STARD3: variants seen among roughly 807,000 people sequenced by gnomAD.
STARD3 encodes the protein stAR-related lipid transfer protein 3.
Under a neutral mutation model 62.0 loss-of-function variants are expected in STARD3, and 39 were observed. That is an observed-to-expected ratio of 0.63 (90% confidence interval 0.49 to 0.82). STARD3 has a LOEUF of 0.82. Among genes scored for constraint, STARD3 ranks in the 40% least tolerant of loss-of-function variants. The pLI is 0.00. For missense variants in STARD3, 543 were observed against 584.5 expected, an observed-to-expected ratio of 0.93 and a Z score of 0.73; for synonymous variants, 229 against 242.4, an observed-to-expected ratio of 0.94 and a Z score of 0.51.
Position 39,658,797 on chromosome 17 carries a change from A to G in STARD3, c.623A>G (p.Tyr208Cys), listed in dbSNP as rs571653341. Reference sequence around the variant, plus strand: ...GGTGCTCTGTCCGAGGGACAGTTCTATTCACCCCCAGAATCCTTTGCAGGT... The same window carrying G: ...GGTGCTCTGTCCGAGGGACAGTTCTGTTCACCCCCAGAATCCTTTGCAGGT... ...FSGALSEGQF[Y>C]SPPESFAGSD... The change falls in exon 7 of 15, where the codon TAT becomes TGT. Residue 208 changes from tyrosine to cysteine, a missense_variant. Transcript: ENST00000336308. 9.9e-6 allele frequency: 16 copies of G among 1,613,776 alleles called. No individual in the cohort carries two copies. Among genetic ancestry groups the G allele is most frequent in the African/African-American group, 5.3e-5 (4 of 74,894 alleles).
At chr17:39,642,059 G>A (rs530061922) in intron 1 of STARD3, among the ~76,000 whole-genome samples, 16 of 152,304 alleles carry the variant, frequency 1.1e-4, no homozygotes, top group Non-Finnish European at 2.1e-4. Context: ...TCTCTGAAGC[G>A]CCAGAGTTCT....
At chr17:39,658,216 T>A in intron 5 of STARD3, 189 bp from the exon 6 acceptor site, 2 of 841,360 alleles carry the variant, frequency 2.4e-6, no homozygotes, top group South Asian at 1.6e-5. Context: ...CTTGCAGCTC[T>A]AGGAATCAGA....
In STARD3 at chr17:39,645,100, G is replaced by T. The variant is rs149084014; in HGVS notation, c.-52+7869G>T. 3.4e-3 allele frequency among the ~76,000 whole-genome samples: 525 copies of T among 152,310 alleles called. 13 individuals carry two copies. The East Asian group carries it at 0.049, about 14-fold the overall frequency. ...ATCCTGCTGTCCTCCTCTTCTGTCTGCGGGAAGGGGCAGCCGATGCTGTTC... is the reference window on the plus strand; with the variant it reads ...ATCCTGCTGTCCTCCTCTTCTGTCTTCGGGAAGGGGCAGCCGATGCTGTTC... On this transcript the variant is annotated intron_variant, in intron 1 of 14. Coordinates refer to ENST00000336308, the MANE Select transcript of STARD3 (RefSeq NM_006804.4).
chr17:39,662,740 G>C (rs1194646812), intron 14 of STARD3, 64 bp from the exon 15 acceptor site: 1 of 1,467,180 alleles, frequency 6.8e-7, no homozygotes, highest in Non-Finnish European at 9.3e-7. Flanking sequence ...GCTGGTGCCA[G>C]CTGCAAGGGG....
chr17:39,639,988 A>T (rs745899778), intron 1 of STARD3, among the ~76,000 whole-genome samples: 1 of 152,192 alleles, frequency 6.6e-6, no homozygotes, highest in Non-Finnish European at 1.5e-5. Flanking sequence ...GAAAGCGCTG[A>T]TCACAGCATG....
chr17:39,656,872 C>T lies in STARD3; in HGVS notation c.220-136C>T, dbSNP rs79563186. The T allele has an allele frequency of 2.9e-3, 2,283 of 775,770 alleles. 38 individuals are homozygous for T. The African/African-American group carries it at 0.035, about 12-fold the overall frequency. 48.1% of individuals were successfully genotyped at this position (775,770 alleles called of 1,614,324 possible). A position where few individuals can be genotyped will look rare whatever the true frequency, so the allele number is the denominator to read the frequency against. Reference sequence around the variant, plus strand: ...AGATCCCTTGGTGCTTCCAGGGCCCCCTGGGTGGTGGCTTAGCATCAACAG... The same window carrying T: ...AGATCCCTTGGTGCTTCCAGGGCCCTCTGGGTGGTGGCTTAGCATCAACAG... On this transcript the variant is annotated intron_variant, in intron 2 of 14. Transcript: ENST00000336308.
At chr17:39,646,478 C>G (rs1171393235) in intron 1 of STARD3, among the ~76,000 whole-genome samples, 1 of 152,014 alleles carries the variant, frequency 6.6e-6, no homozygotes, top group Admixed American at 6.6e-5. Flanking sequence ...TTCTTGAACT[C>G]CTGAGCTCAA....
chr17:39,662,137 C>T (rs574919712), intron 13 of STARD3, 114 bp from the exon 14 acceptor site: 2 of 930,660 alleles, frequency 2.1e-6, no homozygotes, highest in African/African-American at 1.6e-5. Context: ...TGCCTTTCTG[C>T]TTCCAGCCCA....
rs145490382 is a variant in STARD3, at chr17:39,660,231, C to G, written c.816C>G (p.Tyr272Ter). 1 of 1,614,090 alleles carries G rather than the reference C, an allele frequency of 6.2e-7. No homozygotes were observed. The highest frequency in any genetic ancestry group is 1.7e-5 in the Admixed American group (1 of 60,018). Residue 272 changes from tyrosine to a stop codon, truncating the protein, a stop_gained, in exon 10 of 15, where the codon TAC (tyrosine) becomes TAG (stop). Coordinates refer to ENST00000336308, the MANE Select transcript of STARD3 (RefSeq NM_006804.4). LOFTEE classifies it high-confidence loss of function. The surrounding 1 kb of genome is among the most constrained non-coding windows in gnomAD (Gnocchi z 4.8). Reference sequence around the variant, plus strand: ...CATAGGAATATGGGGACACCGTGTACACCATTGAAGTTCCCTTTCACGGCA... The same window carrying G: ...CATAGGAATATGGGGACACCGTGTAGACCATTGAAGTTCCCTTTCACGGCA... ...EKNNEYGDTVYTIEVPFHGKT... is the reference protein window; with the variant it reads ...EKNNEYGDTV
intron 1 of STARD3, among the ~76,000 whole-genome samples, chr17:39,642,447 G>T (rs1186137081): frequency 6.6e-6 from 1 of 152,218 alleles, no homozygotes; most frequent in Non-Finnish European, 1.5e-5. Flanking sequence ...GCAGGGAGGG[G>T]CTGCTCTCCC....
At chr17:39,637,546 A>G (rs1597784455) in intron 1 of STARD3, 1 of 150,948 alleles carries the variant, frequency 6.6e-6, no homozygotes, top group African/African-American at 2.4e-5. Flanking sequence ...GAGCAGGGGC[A>G]GGTATGGGGA....
intron 8 of STARD3, 73 bp from the exon 9 acceptor site, chr17:39,659,388 G>A: frequency 6.9e-7 from 1 of 1,450,474 alleles, no homozygotes; most frequent in East Asian, 2.3e-5. Flanking sequence ...TATGTCTAGA[G>A]AGAGAACAGG....
At chr17:39,658,558 T>C in intron 6 of STARD3, 36 bp downstream of exon 6, 1 of 1,600,204 alleles carries the variant, frequency 6.2e-7, no homozygotes, top group Non-Finnish European at 8.6e-7. Context: ...CAGCGAGGGT[T>C]ACCCACAGCC....
At chr17:39,655,155 A>C (rs938990403) in intron 2 of STARD3, among the ~76,000 whole-genome samples, 1 of 152,214 alleles carries the variant, frequency 6.6e-6, no homozygotes, top group African/African-American at 2.4e-5. Context: ...CCTTACCCAA[A>C]AAGAGCTGAA....
rs373816766 is a variant in STARD3 at position 39,662,807 on chromosome 17, C to T, written c.1237C>T (p.Arg413Cys). Residue 413 changes from arginine (R) to cysteine (C), a missense_variant, in exon 15 of 15, where the codon CGC becomes TGC. By Grantham distance (180) the Arg-to-Cys change is radical. Coordinates refer to ENST00000336308, the MANE Select transcript of STARD3 (RefSeq NM_006804.4). ...VWILNTDLKG[R>C]LPRYLIHQSL... ...ACTTCTGCCTGCCTTCCCCCAGGGC[C>T]GCCTGCCCCGGTACCTCATCCACCA... The T allele has an allele frequency of 2.0e-5, 32 of 1,607,580 alleles. No individual in the cohort carries two copies. The highest frequency in any genetic ancestry group is 6.6e-5 in the South Asian group (6 of 90,392).
chr17:39,637,808 T>C (rs1347180306), intron 1 of STARD3, among the ~76,000 whole-genome samples: 1 of 152,214 alleles, frequency 6.6e-6, no homozygotes, highest in Non-Finnish European at 1.5e-5. Flanking sequence ...CGTACCGCTC[T>C]GACAGTCGGT....
chr17:39,660,334 C>A lies in STARD3; in HGVS notation c.858+61C>A. 1 of 1,611,974 alleles carries A rather than the reference C, an allele frequency of 6.2e-7. No homozygotes were observed. Among genetic ancestry groups the A allele is most frequent in the East Asian group, 2.2e-5 (1 of 44,866 alleles). On this transcript the variant is annotated intron_variant, in intron 10 of 14. Transcript: ENST00000336308. The surrounding 1 kb of genome is among the most constrained non-coding windows in gnomAD (Gnocchi z 4.8). ...CAGCACAGGAGGCTCCAGGAAGGTG[C>A]CGAGGGGCCCTCTGGTGGGTGCCCC...
chr17:39,649,942 G>T (rs776659220), intron 1 of STARD3, among the ~76,000 whole-genome samples: 1 of 150,280 alleles, frequency 6.7e-6, no homozygotes, highest in African/African-American at 2.5e-5. Context: ...GGATAAAGCA[G>T]ACACTAAAGC....
At position 39,660,053 on chromosome 17, in the gene STARD3, G is replaced by A; in HGVS notation, c.796-158G>A. The stretch of plus-strand genomic sequence containing the variant: ...TCCTGCCAGTGCCATAGGTTTGTTA[G>A]AGCTACTGTTTTGTAACAGCTGCTC... On this transcript the variant is annotated intron_variant, in intron 9 of 14. Transcript: ENST00000336308. The surrounding 1 kb of genome is among the most constrained non-coding windows in gnomAD (Gnocchi z 4.8). 1.5e-6 allele frequency: 1 copy of A among 679,478 alleles called. No individual in the cohort carries two copies. Among genetic ancestry groups the A allele is most frequent in the Non-Finnish European group, 2.6e-6 (1 of 384,036 alleles). The allele number at this position is 679,478 out of a possible 1,614,324, so 42.1% of individuals were successfully genotyped here. A position where few individuals can be genotyped will look rare whatever the true frequency, so the allele number is the denominator to read the frequency against.
Sources: allele counts gnomAD v4.1 joint callset (sites outside exome capture counted in the v4.1 genomes callset), GRCh38; gene constraint gnomAD v4.1.1; non-coding constraint Gnocchi (gnomAD v3.1); transcripts MANE v1.5; gene names NCBI Gene and HGNC (gene_info 2026-07-23, HGNC 2026-07-21).